Variants in PSMD1 observed in about 807,000 individuals in gnomAD.
The protein encoded by PSMD1 is proteasome 26S subunit, non-ATPase 1.
Under a neutral mutation model 119.0 loss-of-function variants are expected in PSMD1, and 18 were observed. That is an observed-to-expected ratio of 0.15 (90% CI 0.10 to 0.22). The LOEUF (loss-of-function observed/expected upper bound fraction) is 0.22. PSMD1 is among the 10% of genes least tolerant of loss of function. The pLI is 1.00. For synonymous variants in PSMD1, 374 were observed against 396.6 expected (o/e 0.94, Z 0.68); for missense variants, 702 against 1,158.5 (o/e 0.61, Z 5.72).
chr2:231,078,793 T>A (rs749034139), intron 10 of PSMD1, 46 bp downstream of exon 10: 39 of 691,462 alleles, frequency 5.6e-5, no homozygotes, highest in South Asian at 7.7e-5. Context: ...ATCTTTTTCT[T>A]TTTTTTTTTT....
intron 6 of PSMD1, among the ~76,000 whole-genome samples, chr2:231,070,894 T>C (rs1456620766): frequency 6.6e-6 from 1 of 152,130 alleles, no homozygotes; most frequent in Non-Finnish European, 1.5e-5. Flanking sequence ...TGTTTCTTCA[T>C]TAAAATGTGC....
chr2:231,076,183 C>T (rs773387674), intron 8 of PSMD1, among the ~76,000 whole-genome samples: 9 of 152,104 alleles, frequency 5.9e-5, no homozygotes, highest in Admixed American at 3.9e-4. Flanking sequence ...AAGGTATGGT[C>T]TCTAGCAAAT....
chr2:231,117,849 A>C (rs1695395883), intron 16 of PSMD1, among the ~76,000 whole-genome samples: 1 of 152,124 alleles, frequency 6.6e-6, no homozygotes, highest in Admixed American at 6.5e-5. Flanking sequence ...AAGAATACTG[A>C]GTTCTAACTT....
rs1268728928 is a variant in PSMD1 at position 231,080,212 on chromosome 2, T to C, written c.1311T>C (p.Tyr437=). 2.5e-6 allele frequency: 4 copies of C among 1,613,540 alleles called. No homozygotes were observed. Among genetic ancestry groups the C allele is most frequent in the Non-Finnish European group, 3.4e-6 (4 of 1,179,598 alleles). The part of the protein sequence containing the change: ...LPKDTSPGSA[Y]QEGGGLYALG... ...AGGATACTTCTCCAGGATCAGCCTA[T>C]CAGGAAGGTGGAGGTCTCTATGCAC... The change falls in exon 12 of 25, where the codon TAT becomes TAC. Residue 437 remains tyrosine (Y), a synonymous_variant. Transcript: ENST00000308696.
chr2:231,126,852 G>A (rs907173300), intron 16 of PSMD1, among the ~76,000 whole-genome samples: 1 of 151,582 alleles, frequency 6.6e-6, no homozygotes, highest in Non-Finnish European at 1.5e-5. Flanking sequence ...TCAAGTTATG[G>A]GAAGCATAGC....
intron 16 of PSMD1, among the ~76,000 whole-genome samples, chr2:231,089,192 C>T (rs1189598391): frequency 1.3e-5 from 2 of 152,214 alleles, no homozygotes; most frequent in East Asian, 3.8e-4. Flanking sequence ...GTCTCCATAA[C>T]ATGGAGGTGC....
At chr2:231,163,309 T>G in intron 20 of PSMD1, 1 of 216,844 alleles carries the variant, frequency 4.6e-6, no homozygotes, top group South Asian at 1.3e-4. Flanking sequence ...GGATAGACCA[T>G]CAAATGCTTT....
Position 231,072,286 on chromosome 2 carries a change from A to G in PSMD1, c.752A>G (p.Asp251Gly). ...CTGATGGCATATCAGATTTGTTTTG[A>G]TTTGTATGAAAGTGCTAGCCAGCAG... ...NLLMAYQICF[D>G]LYESASQQFL... The change falls in exon 7 of 25, where the codon GAT becomes GGT. Residue 251 changes from aspartate to glycine, a missense_variant. Coordinates refer to ENST00000308696, the MANE Select transcript of PSMD1 (RefSeq NM_002807.4). 1 of 1,613,910 alleles carries G rather than the reference A, an allele frequency of 6.2e-7. No individual in the cohort carries two copies. The highest frequency in any genetic ancestry group is 8.5e-7 in the Non-Finnish European group (1 of 1,179,848).
intron 20 of PSMD1, 28 bp downstream of exon 20, chr2:231,161,537 G>A (rs758628344): frequency 2.5e-6 from 4 of 1,582,302 alleles, no homozygotes; most frequent in East Asian, 2.2e-5. Flanking sequence ...CAGCTTTGTA[G>A]TATTTCCTGT....
rs1309679277 is a variant in PSMD1, at chr2:231,146,362, C to T, written c.2115+6C>T. The T allele has an allele frequency of 1.3e-6, 2 of 1,592,126 alleles. No homozygotes were observed. Among genetic ancestry groups the T allele is most frequent in the East Asian group, 4.5e-5 (2 of 44,730 alleles). ...CTGAAATCACTTGTCCAAAGGTGAG[C>T]AAACAAAGAAATTCCCTGGAAGAGA... On this transcript the variant is annotated splice_donor_region_variant and intron_variant, in intron 18 of 24. Transcript: ENST00000308696.
chr2:231,165,271 G>T lies in PSMD1; in HGVS notation c.2553G>T (p.Glu851Asp). The change falls in exon 22 of 25, where the codon GAG (glutamate) becomes GAT (aspartate). Residue 851 changes from glutamate to aspartate, a missense_variant. Transcript: ENST00000308696. ...KKEKEKEKKE[E>D]EKMEVDEAEK... The stretch of plus-strand genomic sequence containing the variant: ...AAAAAGAAAAGGAAAAAAAGGAGGA[G>T]GAGAAAATGGAAGTGGTAGGTATAA... 1 of 1,599,456 alleles carries T rather than the reference G, an allele frequency of 6.3e-7. No homozygotes were observed. Among genetic ancestry groups the T allele is most frequent in the Non-Finnish European group, 8.5e-7 (1 of 1,170,702 alleles).
chr2:231,130,299 C>T (rs1695823955), intron 16 of PSMD1, among the ~76,000 whole-genome samples: 1 of 152,162 alleles, frequency 6.6e-6, no homozygotes, highest in Admixed American at 6.5e-5. Context: ...TTTTAAATAA[C>T]ATATCAAAAC....
rs1423174690 is a variant in PSMD1, at chr2:231,109,699, T to C, written c.1883+22518T>C. On this transcript the variant is annotated intron_variant, in intron 16 of 24. Transcript: ENST00000308696. ...TACAGTGGAGAATGTCTTCATTTAT[T>C]CTACATTTCTCATAATCTATTTTTG... 3.3e-5 allele frequency among the ~76,000 whole-genome samples: 5 copies of C among 152,246 alleles called. No homozygotes were observed. In the East Asian group the frequency reaches 9.6e-4, roughly 29 times the overall value.
intron 16 of PSMD1, among the ~76,000 whole-genome samples, chr2:231,106,972 T>C (rs1031643163): frequency 6.6e-6 from 1 of 152,206 alleles, no homozygotes. Flanking sequence ...AAATCCATCA[T>C]ATTAGAGACC....
intron 16 of PSMD1, among the ~76,000 whole-genome samples, chr2:231,116,281 G>A (rs1041559837): frequency 6.6e-6 from 1 of 152,102 alleles, no homozygotes; most frequent in African/African-American, 2.4e-5. Context: ...TTGAGCTGAA[G>A]TTCTAGATTT....
intron 17 of PSMD1, 43 bp downstream of exon 17, chr2:231,138,893 G>C: frequency 6.9e-7 from 1 of 1,443,914 alleles, no homozygotes; most frequent in Non-Finnish European, 9.7e-7. Context: ...CTTGGCGCCA[G>C]ACTGTTTTCC....
intron 1 of PSMD1, 104 bp from the exon 2 acceptor site, chr2:231,061,163 C>T: frequency 1.3e-6 from 1 of 790,784 alleles, no homozygotes. Flanking sequence ...GAAGTTACGC[C>T]TCAAAAAAAT....
At chr2:231,122,968 G>A (rs1695597165) in intron 16 of PSMD1, among the ~76,000 whole-genome samples, 1 of 152,018 alleles carries the variant, frequency 6.6e-6, no homozygotes, top group African/African-American at 2.4e-5. Context: ...TTTTAAACTG[G>A]GGTTTAGTGA....
At chr2:231,085,826 T>A (rs764144597) in intron 15 of PSMD1, among the ~76,000 whole-genome samples, 51 of 152,308 alleles carry the variant, frequency 3.3e-4, no homozygotes, top group Middle Eastern at 6.8e-3. Context: ...CGTGTCTTAA[T>A]AGGTTTTTAT....
Sources: gnomAD v4.1 joint callset for allele counts (sites outside exome capture counted in the v4.1 genomes callset) on GRCh38, gnomAD v4.1.1 for gene constraint, MANE v1.5 for transcripts, NCBI Gene and HGNC (gene_info 2026-07-23, HGNC 2026-07-21) for gene names.